TMEM132B: variants seen among roughly 807,000 people sequenced by gnomAD.
TMEM132B encodes the protein transmembrane protein 132B.
A neutral mutation model predicts 90.8 loss-of-function variants in TMEM132B; 18 were observed. The observed-to-expected ratio is 0.20, with a 90% confidence interval of 0.14 to 0.29. The LOEUF (loss-of-function observed/expected upper bound fraction) is 0.29, where lower values mean the gene tolerates loss of function less well. Among genes scored for constraint, TMEM132B ranks in the 10% least tolerant of loss-of-function variants. The probability of loss-of-function intolerance (pLI) is 1.00; values close to 1 mark genes in which losing one functional copy is unlikely to be tolerated. For synonymous variants in TMEM132B, 504 were observed against 523.3 expected (o/e 0.96, Z 0.50); for missense variants, 1,096 against 1,326.8 (o/e 0.83, Z 2.70).
chr12:125,630,964 ATTGTT>A (rs1264993050), intron 5 of TMEM132B, among the ~76,000 whole-genome samples: 1 of 151,984 alleles, frequency 6.6e-6, no homozygotes, highest in Non-Finnish European at 1.5e-5. Flanking sequence ...GATCTTTTGT[ATTGTT>A]TTATTTAATT....
At chr12:125,637,541 T>A (rs940376172) in intron 5 of TMEM132B, among the ~76,000 whole-genome samples, 1 of 152,142 alleles carries the variant, frequency 6.6e-6, no homozygotes, top group Non-Finnish European at 1.5e-5. Flanking sequence ...GAACATTGGT[T>A]CCATCCGGAA....
At chr12:125,649,310 TG>T (rs1296698284) in intron 6 of TMEM132B, among the ~76,000 whole-genome samples, 3 of 152,236 alleles carry the variant, frequency 2.0e-5, no homozygotes, top group Non-Finnish European at 4.4e-5. Context: ...TTCACCACTC[TG>T]AGCCTGGTTT....
chr12:125,293,220 A>G (rs1183513718), intron 1 of TMEM132B, among the ~76,000 whole-genome samples: 1 of 152,238 alleles, frequency 6.6e-6, no homozygotes, highest in African/African-American at 2.4e-5. Context: ...TCACATGGAC[A>G]AGAGGACCTG....
chr12:125,195,394 G>T (rs911104287), intron 1 of TMEM132B, among the ~76,000 whole-genome samples: 76 of 89,908 alleles, frequency 8.5e-4, no homozygotes, highest in African/African-American at 2.9e-3. Flanking sequence ...GGGTTTGCGG[G>T]TTTTTTTTTT....
At chr12:125,514,899 G>T (rs142180617) in intron 3 of TMEM132B, among the ~76,000 whole-genome samples, 1 of 152,208 alleles carries the variant, frequency 6.6e-6, no homozygotes, top group Non-Finnish European at 1.5e-5. Flanking sequence ...CCTCCTCCTG[G>T]CTGGCACGAC....
intron 1 of TMEM132B, among the ~76,000 whole-genome samples, chr12:125,223,089 A>G (rs1873596312): frequency 6.6e-6 from 1 of 152,268 alleles, no homozygotes; most frequent in Non-Finnish European, 1.5e-5. Flanking sequence ...GAACCACAGC[A>G]AAACCACTGA....
In TMEM132B at chr12:125,406,518, A is replaced by G. The variant is rs887682631; in HGVS notation, c.960-9013A>G. Among the ~76,000 whole-genome samples, 2 of 152,202 alleles carry G rather than the reference A, an allele frequency of 1.3e-5. No individual in the cohort carries two copies. Among genetic ancestry groups the G allele is most frequent in the Non-Finnish European group, 2.9e-5 (2 of 68,030 alleles). ...GAGACTCACTGGTCTGGACTGAGCC[A>G]TGCTCCTCTTTGCATTTCCAAGTGC... On this transcript the variant is annotated intron_variant, in intron 2 of 8. Coordinates refer to ENST00000682704, the MANE Select transcript of TMEM132B (RefSeq NM_001366854.1). The surrounding 1 kb of genome is among the most constrained non-coding windows in gnomAD (Gnocchi z 8.3).
At chr12:125,288,542 C>G (rs1337789030) in intron 1 of TMEM132B, among the ~76,000 whole-genome samples, 1 of 151,180 alleles carries the variant, frequency 6.6e-6, no homozygotes, top group Non-Finnish European at 1.5e-5. Context: ...TGTAACTCAT[C>G]TCATATTGCT....
intron 4 of TMEM132B, among the ~76,000 whole-genome samples, chr12:125,546,982 G>T (rs2094834657): frequency 1.3e-5 from 2 of 152,176 alleles, no homozygotes; most frequent in Non-Finnish European, 2.9e-5. Flanking sequence ...GAGAATGAGT[G>T]CCCAATAAAG....
At chr12:125,201,941 A>G (rs1873072860) in intron 1 of TMEM132B, among the ~76,000 whole-genome samples, 2 of 152,156 alleles carry the variant, frequency 1.3e-5, no homozygotes, top group Non-Finnish European at 2.9e-5. Context: ...ATTCTGTCAT[A>G]TGATAGAGCT....
At chr12:125,363,746 T>G (rs1228245687) in intron 2 of TMEM132B, among the ~76,000 whole-genome samples, 3 of 152,196 alleles carry the variant, frequency 2.0e-5, no homozygotes, top group Non-Finnish European at 4.4e-5. Flanking sequence ...GAAAGATAAG[T>G]GACTTCCTCA....
intron 1 of TMEM132B, among the ~76,000 whole-genome samples, chr12:125,292,471 G>A (rs955038121): frequency 1.2e-4 from 19 of 152,224 alleles, no homozygotes; most frequent in African/African-American, 4.6e-4. Flanking sequence ...GGACTAGAAA[G>A]TGACTATAAT....
intron 1 of TMEM132B, chr12:125,301,404 C>G (rs111401434): frequency 6.6e-6 from 1 of 152,248 alleles, no homozygotes; most frequent in Non-Finnish European, 1.5e-5. Context: ...GGGGATGGCC[C>G]GTGCACCAGC....
At chr12:125,488,662 A>G (rs924577023) in intron 3 of TMEM132B, among the ~76,000 whole-genome samples, 2 of 152,200 alleles carry the variant, frequency 1.3e-5, no homozygotes, top group Non-Finnish European at 2.9e-5. Context: ...CTGTAAGTCC[A>G]TTAAACCTCT....
chr12:125,434,062 C>T (rs909190596), intron 3 of TMEM132B, among the ~76,000 whole-genome samples: 2 of 152,112 alleles, frequency 1.3e-5, no homozygotes, highest in Admixed American at 6.5e-5. Flanking sequence ...ATAAATTTCG[C>T]GGGGTGTTAA....
At chr12:125,493,572 TTGGGG>T (rs371041010) in intron 3 of TMEM132B, among the ~76,000 whole-genome samples, 6 of 152,178 alleles carry the variant, frequency 3.9e-5, no homozygotes, top group African/African-American at 1.4e-4. Flanking sequence ...TGCTGTGTGC[TTGGGG>T]TGGGGGTGGT....
At chr12:125,642,038 G>A (rs10846936) in intron 5 of TMEM132B, among the ~76,000 whole-genome samples, 14,821 of 152,144 alleles carry the variant, frequency 0.097, 1,187 homozygotes, top group Admixed American at 0.27. Flanking sequence ...TCCTTCTCTC[G>A]AGGTAGTCTG....
intron 1 of TMEM132B, among the ~76,000 whole-genome samples, chr12:125,307,793 T>TA (rs1876021602): frequency 6.1e-5 from 9 of 148,296 alleles, no homozygotes; most frequent in African/African-American, 1.7e-4. Context: ...TACAAGTATA[T>TA]TACAAGTATA....
chr12:125,272,274 G>C (rs1321264876), intron 1 of TMEM132B, among the ~76,000 whole-genome samples: 2 of 152,192 alleles, frequency 1.3e-5, no homozygotes, highest in Non-Finnish European at 2.9e-5. Context: ...CGAGCTAAAG[G>C]GATTGTTGCA....
Sources: allele counts gnomAD v4.1 joint callset (sites outside exome capture counted in the v4.1 genomes callset), GRCh38; gene constraint gnomAD v4.1.1; non-coding constraint Gnocchi (gnomAD v3.1); transcripts MANE v1.5; gene names NCBI Gene and HGNC (gene_info 2026-07-23, HGNC 2026-07-21).